DPP10: variants seen among roughly 807,000 people sequenced by gnomAD.
The protein encoded by DPP10 is dipeptidyl peptidase like 10, also known as inactive dipeptidyl peptidase 10.
In DPP10, 33 loss-of-function variants were observed where a neutral mutation model predicts 120.9. The ratio of observed to expected loss-of-function variants is 0.27; its 90% CI spans 0.21 to 0.37. The LOEUF is 0.37. Ranked by LOEUF, DPP10 falls within the 10% of genes least tolerant of loss-of-function variation. The probability of loss-of-function intolerance (pLI) is 1.00; values close to 1 mark genes in which losing one functional copy is unlikely to be tolerated. For missense variants in DPP10, 816 were observed against 942.8 expected (o/e 0.87, Z 1.76); for synonymous variants, 337 against 326.1 (o/e 1.03, Z -0.36).
At chr2:114,810,456 G>A (rs963710294) in intron 1 of DPP10, among the ~76,000 whole-genome samples, 2 of 152,150 alleles carry the variant, frequency 1.3e-5, no homozygotes, top group African/African-American at 4.8e-5. Flanking sequence ...CCAAGAATCA[G>A]CATTTTTAAT....
chr2:114,882,720 A>G (rs911639360), intron 1 of DPP10, among the ~76,000 whole-genome samples: 3 of 152,206 alleles, frequency 2.0e-5, no homozygotes, highest in Admixed American at 6.5e-5. Context: ...TCTACCTCAT[A>G]ATCTAATGCC....
At chr2:115,216,878 C>T (rs969158245) in intron 1 of DPP10, among the ~76,000 whole-genome samples, 17 of 151,432 alleles carry the variant, frequency 1.1e-4, no homozygotes, top group African/African-American at 3.4e-4. Context: ...TAGACATATA[C>T]GTGTATATAT....
At chr2:115,631,833 A>G (rs2085898192) in intron 5 of DPP10, among the ~76,000 whole-genome samples, 2 of 152,174 alleles carry the variant, frequency 1.3e-5, no homozygotes, top group South Asian at 4.1e-4. Context: ...ACTTCCAATT[A>G]TGGGATCAAT....
intron 1 of DPP10, among the ~76,000 whole-genome samples, chr2:114,458,514 G>A (rs1480635521): frequency 1.3e-5 from 2 of 152,070 alleles, no homozygotes; most frequent in Non-Finnish European, 2.9e-5. Context: ...TCAGCCAAAG[G>A]CATACCATCT....
intron 3 of DPP10, among the ~76,000 whole-genome samples, chr2:115,378,022 A>C (rs938965101): frequency 6.6e-6 from 1 of 151,746 alleles, no homozygotes; most frequent in African/African-American, 2.4e-5. Flanking sequence ...CTTAGGATTG[A>C]CTTGGCGATG....
At chr2:114,691,421 G>C (rs894777001) in intron 1 of DPP10, among the ~76,000 whole-genome samples, 2 of 152,078 alleles carry the variant, frequency 1.3e-5, no homozygotes, top group African/African-American at 4.8e-5. Flanking sequence ...AAGCCAACTT[G>C]ATCATGGTGG....
At chr2:114,900,047 G>A (rs1050626428) in intron 1 of DPP10, among the ~76,000 whole-genome samples, 4 of 152,198 alleles carry the variant, frequency 2.6e-5, no homozygotes, top group African/African-American at 9.6e-5. Context: ...ACAATTGTTT[G>A]AAGATGCCAC....
At chr2:115,013,996 A>G (rs989730096) in intron 1 of DPP10, among the ~76,000 whole-genome samples, 3 of 152,174 alleles carry the variant, frequency 2.0e-5, no homozygotes, top group African/African-American at 7.2e-5. Flanking sequence ...AAGCAGACCT[A>G]GTAGACATCT....
chr2:114,595,419 A>G (rs967952599), intron 1 of DPP10, among the ~76,000 whole-genome samples: 1 of 152,112 alleles, frequency 6.6e-6, no homozygotes. Flanking sequence ...TTGTCTCTGA[A>G]ATATGCAGAG....
intron 1 of DPP10, among the ~76,000 whole-genome samples, chr2:114,644,470 A>G (rs1371941233): frequency 6.6e-6 from 1 of 151,666 alleles, no homozygotes; most frequent in Non-Finnish European, 1.5e-5. Context: ...TCTCTTGATT[A>G]TTACACTTTA....
chr2:114,623,235 G>A (rs551347231), intron 1 of DPP10, among the ~76,000 whole-genome samples: 3 of 152,074 alleles, frequency 2.0e-5, no homozygotes, highest in Non-Finnish European at 2.9e-5. Context: ...AATGTGCATC[G>A]TATGTTTGTG....
intron 3 of DPP10, among the ~76,000 whole-genome samples, chr2:115,359,123 T>C (rs534259852): frequency 3.9e-5 from 6 of 152,174 alleles, no homozygotes; most frequent in Non-Finnish European, 8.8e-5. Context: ...GGTGTTTAGA[T>C]CATTTGCATT....
intron 1 of DPP10, among the ~76,000 whole-genome samples, chr2:114,670,498 G>A (rs1043667131): frequency 2.0e-5 from 3 of 151,892 alleles, no homozygotes; most frequent in African/African-American, 7.3e-5. Context: ...CATGGACACA[G>A]GAAGGGGAAC....
chr2:114,982,571 A>G (rs1700148366), intron 1 of DPP10, among the ~76,000 whole-genome samples: 1 of 151,946 alleles, frequency 6.6e-6, no homozygotes, highest in Non-Finnish European at 1.5e-5. Flanking sequence ...AAAAATCAAA[A>G]TTATTTTTTA....
intron 1 of DPP10, among the ~76,000 whole-genome samples, chr2:115,213,606 A>G (rs192876770): frequency 1.8e-4 from 28 of 152,178 alleles, no homozygotes; most frequent in African/African-American, 6.3e-4. Context: ...CCTTTCTAGT[A>G]GGGGAGAATA....
rs531265083 is a variant in DPP10 at position 115,763,276 on chromosome 2, G to A, written c.1113+666G>A. On this transcript the variant is annotated intron_variant, in intron 12 of 25. Coordinates refer to ENST00000410059, the MANE Select transcript of DPP10 (RefSeq NM_020868.6). ...AAAGCCCTCTTTTATTTTATATTAC[G>A]TCTATGGCGTTAATGACCACCCATA... 1.1e-4 allele frequency among the ~76,000 whole-genome samples: 17 copies of A among 152,044 alleles called. No homozygotes were observed. The South Asian group carries it at 2.7e-3, about 24-fold the overall frequency.
chr2:115,543,878 G>A (rs2079330352), intron 5 of DPP10, among the ~76,000 whole-genome samples: 1 of 151,868 alleles, frequency 6.6e-6, no homozygotes, highest in African/African-American at 2.4e-5. Context: ...GAATCAGTAG[G>A]GGAAAGTAGT....
At chr2:115,016,327 T>C (rs563473967) in intron 1 of DPP10, among the ~76,000 whole-genome samples, 1 of 152,288 alleles carries the variant, frequency 6.6e-6, no homozygotes, top group South Asian at 2.1e-4. Context: ...ACTGGAACCC[T>C]TCCTTACACC....
intron 1 of DPP10, among the ~76,000 whole-genome samples, chr2:114,564,651 G>A (rs1689062288): frequency 6.6e-6 from 1 of 152,026 alleles, no homozygotes; most frequent in South Asian, 2.1e-4. Flanking sequence ...CTTATACATA[G>A]TAGACATAAG....
Sources: gnomAD v4.1 joint callset for allele counts (sites outside exome capture counted in the v4.1 genomes callset) on GRCh38, gnomAD v4.1.1 for gene constraint, MANE v1.5 for transcripts, NCBI Gene and HGNC (gene_info 2026-07-23, HGNC 2026-07-21) for gene names.